The following GPC6 variants were observed in gnomAD, a reference collection of about 807,000 sequenced individuals.
GPC6 encodes glypican-6.
In GPC6, 14 loss-of-function variants were observed where a neutral mutation model predicts 55.2. The ratio of observed to expected loss-of-function variants is 0.25; its 90% CI spans 0.17 to 0.40. The LOEUF (loss-of-function observed/expected upper bound fraction) is 0.40, where lower values mean the gene tolerates loss of function less well. GPC6 is among the 10% of genes least tolerant of loss of function. The probability of loss-of-function intolerance (pLI) is 1.00; values close to 1 mark genes in which losing one functional copy is unlikely to be tolerated. For missense variants in GPC6, 641 were observed against 708.5 expected (o/e 0.90, Z 1.08); for synonymous variants, 278 against 259.6 (o/e 1.07, Z -0.68).
chr13:94,318,931 C>CT (rs1876680840), intron 6 of GPC6, among the ~76,000 whole-genome samples: 1 of 151,914 alleles, frequency 6.6e-6, no homozygotes, highest in Non-Finnish European at 1.5e-5. Flanking sequence ...ACTGAAATAT[C>CT]TTTTTTCATT....
intron 2 of GPC6, among the ~76,000 whole-genome samples, chr13:93,643,082 T>G (rs1296327244): frequency 6.6e-6 from 1 of 152,134 alleles, no homozygotes; most frequent in Admixed American, 6.6e-5. Flanking sequence ...TATGAATGAA[T>G]ATTGTATTTG....
chr13:93,738,445 A>G (rs1340570649), intron 2 of GPC6, among the ~76,000 whole-genome samples: 3 of 152,138 alleles, frequency 2.0e-5, no homozygotes, highest in Non-Finnish European at 4.4e-5. Context: ...AGTTTCCCAT[A>G]GCTTCTAAGC....
At chr13:93,498,239 G>A (rs777262734) in intron 1 of GPC6, among the ~76,000 whole-genome samples, 1 of 152,148 alleles carries the variant, frequency 6.6e-6, no homozygotes, top group Admixed American at 6.6e-5. Context: ...CTGGCCTTTG[G>A]ATGTCTTTCC....
intron 1 of GPC6, among the ~76,000 whole-genome samples, chr13:93,301,181 T>C (rs144698759): frequency 9.8e-4 from 150 of 152,314 alleles, no homozygotes; most frequent in African/African-American, 3.4e-3. Context: ...ATTGTTACTG[T>C]CTTTGATAAT....
intron 1 of GPC6, among the ~76,000 whole-genome samples, chr13:93,249,677 C>T (rs1484042404): frequency 6.6e-6 from 1 of 152,232 alleles, no homozygotes; most frequent in African/African-American, 2.4e-5. Context: ...CATATTTCCA[C>T]TTTCCAGTGG....
At chr13:93,612,275 G>A (rs766621975) in intron 2 of GPC6, among the ~76,000 whole-genome samples, 13 of 152,136 alleles carry the variant, frequency 8.5e-5, no homozygotes, top group Admixed American at 3.9e-4. Flanking sequence ...CGAGGCGTGC[G>A]GATCACGAGT....
At chr13:93,667,071 G>A (rs1881168602) in intron 2 of GPC6, among the ~76,000 whole-genome samples, 2 of 152,238 alleles carry the variant, frequency 1.3e-5, no homozygotes, top group African/African-American at 4.8e-5. Flanking sequence ...TCCAGCCGCT[G>A]TGTCTATTTT....
chr13:93,477,576 A>G lies in GPC6; in HGVS notation c.161-67687A>G, dbSNP rs554955764. Reference sequence around the variant, plus strand: ...GAACTGCCAAAACTCAGTTAATTTAACTATCATTAGCAAACAGTTCACAAA... The same window carrying G: ...GAACTGCCAAAACTCAGTTAATTTAGCTATCATTAGCAAACAGTTCACAAA... On this transcript the variant is annotated intron_variant, in intron 1 of 8. Coordinates refer to ENST00000377047, the MANE Select transcript of GPC6 (RefSeq NM_005708.5). 2.2e-4 allele frequency among the ~76,000 whole-genome samples: 33 copies of G among 152,306 alleles called. No individual in the cohort carries two copies. The East Asian group carries it at 6.4e-3, about 29-fold the overall frequency.
intron 1 of GPC6, among the ~76,000 whole-genome samples, chr13:93,497,554 G>A (rs867517008): frequency 4.6e-5 from 7 of 152,328 alleles, no homozygotes; most frequent in Middle Eastern, 6.8e-3. Context: ...GGTAATCCCA[G>A]TCAGTTAACA....
At chr13:93,711,173 G>C (rs1014342502) in intron 2 of GPC6, among the ~76,000 whole-genome samples, 2 of 151,740 alleles carry the variant, frequency 1.3e-5, no homozygotes, top group African/African-American at 4.8e-5. Context: ...AAGAAGAGAT[G>C]ACATTAAAAC....
At chr13:93,357,655 A>C (rs1880897379) in intron 1 of GPC6, among the ~76,000 whole-genome samples, 1 of 151,956 alleles carries the variant, frequency 6.6e-6, no homozygotes, top group Non-Finnish European at 1.5e-5. Flanking sequence ...CCTGAGCAAC[A>C]TGACAAAGAC....
chr13:93,726,327 G>A (rs1883639779), intron 2 of GPC6, among the ~76,000 whole-genome samples: 1 of 151,992 alleles, frequency 6.6e-6, no homozygotes, highest in South Asian at 2.1e-4. Flanking sequence ...CTCTTTGTCA[G>A]TTTCAGTTTA....
chr13:93,996,051 A>G (rs1255852848), intron 3 of GPC6, among the ~76,000 whole-genome samples: 3 of 152,224 alleles, frequency 2.0e-5, no homozygotes, highest in Non-Finnish European at 1.5e-5. Flanking sequence ...ATTTTAATCA[A>G]TACATTGAAA....
intron 3 of GPC6, among the ~76,000 whole-genome samples, chr13:93,834,240 C>T (rs1380027273): frequency 6.6e-6 from 1 of 152,008 alleles, no homozygotes; most frequent in Admixed American, 6.6e-5. Flanking sequence ...ACAAATGGCC[C>T]ATCTGCCTAA....
chr13:93,512,426 G>A (rs369234708), intron 1 of GPC6, among the ~76,000 whole-genome samples: 8 of 151,874 alleles, frequency 5.3e-5, no homozygotes, highest in East Asian at 1.9e-4. Context: ...AGTTGAAATC[G>A]TTTTTTCTTT....
chr13:93,251,000 G>A lies in GPC6; in HGVS notation c.160+23384G>A, dbSNP rs149737574. Among the ~76,000 whole-genome samples the A allele has an allele frequency of 4.7e-3, 718 of 152,248 alleles. 7 individuals carry two copies. The highest frequency in any genetic ancestry group is 0.016 in the African/African-American group (678 of 41,552). On this transcript the variant is annotated intron_variant, in intron 1 of 8. Transcript: ENST00000377047. ...CAAGAGAAGAGAATGAGAGCCAAGC[G>A]AAAGGGGTTTGCTCTTATAAAACCA... is the stretch of plus-strand genomic sequence containing the variant.
intron 1 of GPC6, among the ~76,000 whole-genome samples, chr13:93,337,640 C>T (rs1019373237): frequency 5.3e-5 from 8 of 152,146 alleles, no homozygotes; most frequent in African/African-American, 1.9e-4. Context: ...AAAACTAATG[C>T]ATCAAGTCGA....
intron 1 of GPC6, among the ~76,000 whole-genome samples, chr13:93,380,459 A>G (rs1480287791): frequency 6.6e-6 from 1 of 152,186 alleles, no homozygotes; most frequent in South Asian, 2.1e-4. Flanking sequence ...GGTGATGCGT[A>G]AAGAGAAGCT....
At chr13:94,308,109 A>G (rs777149116) in intron 6 of GPC6, among the ~76,000 whole-genome samples, 4 of 152,236 alleles carry the variant, frequency 2.6e-5, no homozygotes, top group Non-Finnish European at 5.9e-5. Context: ...AATTGCACTG[A>G]ATTTGAATAA....
Sources: gnomAD v4.1 joint callset for allele counts (sites outside exome capture counted in the v4.1 genomes callset) on GRCh38, gnomAD v4.1.1 for gene constraint, MANE v1.5 for transcripts, NCBI Gene and HGNC (gene_info 2026-07-23, HGNC 2026-07-21) for gene names.